ZNF410: variants seen among roughly 807,000 people sequenced by gnomAD.
ZNF410 encodes the protein zinc finger protein 410, also known as another partner for ARF 1.
A neutral mutation model predicts 54.8 loss-of-function variants in ZNF410; 18 were observed. That is an observed-to-expected ratio of 0.33 (90% CI 0.23 to 0.49). The LOEUF is 0.49. ZNF410 is among the 20% of genes least tolerant of loss of function. The pLI, the probability that ZNF410 is intolerant of heterozygous loss-of-function variation, is 0.99. For synonymous variants in ZNF410, 191 were observed against 207.3 expected, an observed-to-expected ratio of 0.92 and a Z score of 0.68; for missense variants, 405 against 569.6, an observed-to-expected ratio of 0.71 and a Z score of 2.94.
At chr14:73,893,714 T>G in intron 2 of ZNF410, 83 bp from the exon 3 acceptor site, 1 of 1,482,998 alleles carries the variant, frequency 6.7e-7, no homozygotes, top group Non-Finnish European at 9.0e-7. Flanking sequence ...TGAACAGTCT[T>G]AATATTATCT....
intron 2 of ZNF410, 116 bp downstream of exon 2, chr14:73,892,324 G>A: frequency 1.0e-6 from 1 of 977,708 alleles, no homozygotes; most frequent in Non-Finnish European, 1.5e-6. Context: ...AATATTTTAG[G>A]TTTTTTAAGC....
rs1202975288 is a variant in ZNF410, at chr14:73,905,001, G to A, written c.831G>A (p.Lys277=). The A allele has an allele frequency of 6.2e-6, 10 of 1,614,190 alleles. No homozygotes were observed. The highest frequency in any genetic ancestry group is 8.5e-6 in the Non-Finnish European group (10 of 1,180,030). The change falls in exon 7 of 12, where the codon AAG becomes AAA. Residue 277 remains lysine (K), a synonymous_variant. Coordinates refer to ENST00000555044, the MANE Select transcript of ZNF410 (RefSeq NM_021188.3). ...ACATGAGGACCCACAATGGAGAGAA[G>A]CCCTTTATGTGCCATGAGTCTGGCT... is the stretch of plus-strand genomic sequence containing the variant. ...KVHMRTHNGE[K]PFMCHESGCG... is the part of the protein sequence containing the mutation.
intron 7 of ZNF410, among the ~76,000 whole-genome samples, chr14:73,905,994 T>TATATATATATAC (rs1293177402): frequency 7.0e-4 from 96 of 136,570 alleles, no homozygotes; most frequent in African/African-American, 2.6e-3. Context: ...TATATATATA[T>TATATATATATAC]ACACACATAC....
intron 8 of ZNF410, among the ~76,000 whole-genome samples, chr14:73,915,261 CA>C (rs143550446): frequency 3.3e-4 from 47 of 141,008 alleles, no homozygotes; most frequent in African/African-American, 1.0e-3. Context: ...GAATCTGTCT[CA>C]AAAAAAAAAA....
chr14:73,891,932 G>A (rs1038548544), intron 1 of ZNF410, 95 bp from the exon 2 acceptor site: 1 of 615,494 alleles, frequency 1.6e-6, no homozygotes, highest in Admixed American at 3.2e-5. Flanking sequence ...CTTGCTTGTT[G>A]TGATTTTTTT....
intron 4 of ZNF410, 37 bp downstream of exon 4, chr14:73,896,571 A>G: frequency 6.4e-7 from 1 of 1,556,474 alleles, no homozygotes; most frequent in Non-Finnish European, 8.7e-7. Context: ...GCTTATGCCT[A>G]AGAAAAAAAT....
chr14:73,889,396 C>A (rs1214226521), intron 1 of ZNF410, among the ~76,000 whole-genome samples: 2 of 143,902 alleles, frequency 1.4e-5, no homozygotes, highest in African/African-American at 5.2e-5. Context: ...CGCGCCACTG[C>A]ACTCCAGCCT....
chr14:73,902,625 A>C (rs924495294), intron 5 of ZNF410, among the ~76,000 whole-genome samples: 14 of 152,138 alleles, frequency 9.2e-5, no homozygotes, highest in African/African-American at 3.4e-4. Flanking sequence ...TTGAGGGGGA[A>C]ATTTGGAGAT....
intron 1 of ZNF410, among the ~76,000 whole-genome samples, chr14:73,890,449 A>G (rs1482045685): frequency 6.6e-6 from 1 of 151,924 alleles, no homozygotes; most frequent in Non-Finnish European, 1.5e-5. Context: ...CGGCCTCCCA[A>G]AGTGCTGGGT....
chr14:73,930,311 A>G (rs1000932910), intron 11 of ZNF410, among the ~76,000 whole-genome samples: 46 of 152,234 alleles, frequency 3.0e-4, no homozygotes, highest in African/African-American at 1.0e-3. Context: ...TTTAAATTCC[A>G]TATAATTAAA....
chr14:73,907,983 GTAT>G (rs2055517255), intron 7 of ZNF410, among the ~76,000 whole-genome samples: 1 of 151,930 alleles, frequency 6.6e-6, no homozygotes, highest in Admixed American at 6.6e-5. Flanking sequence ...TATTTACCTG[GTAT>G]TATTTAATCC....
At chr14:73,900,539 A>T (rs1029874589) in intron 5 of ZNF410, among the ~76,000 whole-genome samples, 52 of 151,796 alleles carry the variant, frequency 3.4e-4, no homozygotes, top group African/African-American at 1.2e-3. Context: ...ATGCCCAGCT[A>T]ATTTTTGTAT....
At chr14:73,922,491 A>C in intron 10 of ZNF410, 1 of 208,112 alleles carries the variant, frequency 4.8e-6, no homozygotes, top group Non-Finnish European at 9.6e-6. Context: ...TTCCTATTGC[A>C]GTTATGGAAG....
intron 8 of ZNF410, among the ~76,000 whole-genome samples, chr14:73,919,683 T>C (rs1011785003): frequency 1.2e-4 from 18 of 152,214 alleles, no homozygotes; most frequent in African/African-American, 3.9e-4. Context: ...GTATCGTATT[T>C]ACCATTGATG....
chr14:73,888,422 T>C (rs1490078470), intron 1 of ZNF410: 1 of 152,168 alleles, frequency 6.6e-6, no homozygotes, highest in Non-Finnish European at 1.5e-5. Flanking sequence ...ACCTACCAGT[T>C]GCTTACTGGG....
intron 8 of ZNF410, among the ~76,000 whole-genome samples, chr14:73,918,755 G>A (rs1244312295): frequency 1.4e-5 from 2 of 139,504 alleles, no homozygotes; most frequent in African/African-American, 2.8e-5. Flanking sequence ...CTGGAGTGCA[G>A]TGGCGTGATG....
intron 1 of ZNF410, among the ~76,000 whole-genome samples, chr14:73,890,192 CTT>C (rs35969764): frequency 9.6e-5 from 13 of 134,742 alleles, no homozygotes; most frequent in Admixed American, 2.2e-4. Flanking sequence ...TATTCAGTTA[CTT>C]TTTTTTTTTT....
At chr14:73,924,588 T>C in intron 11 of ZNF410, 1 of 395,360 alleles carries the variant, frequency 2.5e-6, no homozygotes, top group South Asian at 1.9e-5. Flanking sequence ...ACATTTCATA[T>C]GCATAAACTT....
intron 5 of ZNF410, among the ~76,000 whole-genome samples, chr14:73,903,405 C>T (rs1310059252): frequency 6.6e-6 from 1 of 152,172 alleles, no homozygotes; most frequent in African/African-American, 2.4e-5. Flanking sequence ...GAGGCCTAGT[C>T]TTGTGAAACA....
Sources: gnomAD v4.1 joint callset for allele counts (sites outside exome capture counted in the v4.1 genomes callset) on GRCh38, gnomAD v4.1.1 for gene constraint, MANE v1.5 for transcripts, NCBI Gene and HGNC (gene_info 2026-07-23, HGNC 2026-07-21) for gene names.